The following BICRAL variants were observed in gnomAD, a reference collection of about 807,000 sequenced individuals.
BICRAL encodes the protein BICRA like chromatin remodeling complex associated protein.
Under a neutral mutation model 91.8 loss-of-function variants are expected in BICRAL, and 8 were observed. That is an observed-to-expected ratio of 0.09 (90% CI 0.05 to 0.16). BICRAL has a LOEUF of 0.16. Among genes scored for constraint, BICRAL ranks in the 10% least tolerant of loss-of-function variants. BICRAL has a pLI of 1.00. For missense variants in BICRAL, 1,038 were observed against 1,310.9 expected, an observed-to-expected ratio of 0.79 and a Z score of 3.21; for synonymous variants, 445 against 491.1, an observed-to-expected ratio of 0.91 and a Z score of 1.24.
intron 6 of BICRAL, among the ~76,000 whole-genome samples, chr6:42,835,896 C>T (rs1764623843): frequency 6.6e-6 from 1 of 152,178 alleles, no homozygotes; most frequent in South Asian, 2.1e-4. Context: ...CACCACTGCG[C>T]TATAGCCTGG....
intron 2 of BICRAL, chr6:42,820,956 G>A (rs1439682036): frequency 6.6e-6 from 1 of 152,258 alleles, no homozygotes; most frequent in East Asian, 1.9e-4. Context: ...GACTGTTAGA[G>A]TGGGAAGTCT....
chr6:42,790,989 A>T (rs909625886), intron 1 of BICRAL, among the ~76,000 whole-genome samples: 13 of 152,002 alleles, frequency 8.6e-5, no homozygotes, highest in African/African-American at 3.1e-4. Context: ...AATCACTAAC[A>T]TGGTGCCTGG....
rs776881150 is a variant in BICRAL at position 42,865,471 on chromosome 6, GC to G, written c.*29del. On this transcript the variant is annotated 3_prime_UTR_variant, in exon 13 of 13. Coordinates refer to ENST00000314073, the MANE Select transcript of BICRAL (RefSeq NM_001393499.1). ...ATAGCAGCAGTCCTCCCCCTACCCCGCCCCGAGACCCCACCCCGAGACCCCA... is the reference window on the plus strand; with the variant it reads ...ATAGCAGCAGTCCTCCCCCTACCCCGCCCGAGACCCCACCCCGAGACCCCA... 7 of 1,163,216 alleles carry G rather than the reference GC, an allele frequency of 6.0e-6. No homozygotes were observed. The African/African-American group carries it at 1.5e-4, about 26-fold the overall frequency. The allele number at this position is 1,163,216 out of a possible 1,614,324, so 72.1% of individuals were successfully genotyped here. A position where few individuals can be genotyped will look rare whatever the true frequency, so the allele number is the denominator to read the frequency against.
rs560023313 is a variant in BICRAL at position 42,828,273 on chromosome 6, C to T, written c.160-220C>T. On this transcript the variant is annotated intron_variant, in intron 5 of 12. Transcript: ENST00000314073. The stretch of plus-strand genomic sequence containing the variant: ...AAAATTAGCTGGGCGCGGTGGCAGG[C>T]GCCTGTAGTCCCAGCTACTGGGGAG... Among the ~76,000 whole-genome samples, 374 of 151,920 alleles carry T rather than the reference C, an allele frequency of 2.5e-3. 1 individual carries two copies. The highest frequency in any genetic ancestry group is 7.6e-3 in the African/African-American group (317 of 41,450).
intron 11 of BICRAL, 125 bp downstream of exon 11, chr6:42,860,481 A>G: frequency 1.7e-6 from 1 of 595,904 alleles, no homozygotes; most frequent in Non-Finnish European, 3.0e-6. Flanking sequence ...CACACTGTAG[A>G]AAAACTTACG....
intron 1 of BICRAL, among the ~76,000 whole-genome samples, chr6:42,787,922 GTCAC>G (rs961773314): frequency 4.7e-5 from 7 of 149,480 alleles, no homozygotes; most frequent in Non-Finnish European, 7.4e-5. Context: ...AAGACAAGAT[GTCAC>G]TCAGTCATCC....
chr6:42,814,519 A>ATTT (rs70990145), intron 2 of BICRAL, among the ~76,000 whole-genome samples: 4 of 80,214 alleles, frequency 5.0e-5, no homozygotes, highest in African/African-American at 2.6e-4. Context: ...ATATATATAT[A>ATTT]TTTTTTTTTT....
intron 1 of BICRAL, among the ~76,000 whole-genome samples, chr6:42,749,607 A>G (rs1762343164): frequency 6.6e-6 from 1 of 152,212 alleles, no homozygotes; most frequent in Non-Finnish European, 1.5e-5. Context: ...TAATTTGACC[A>G]CTACATATTA....
chr6:42,827,528 T>C (rs1764338896), intron 5 of BICRAL, among the ~76,000 whole-genome samples: 1 of 152,256 alleles, frequency 6.6e-6, no homozygotes, highest in South Asian at 2.1e-4. Context: ...AATTGCTTCA[T>C]TCAATATGTA....
chr6:42,830,011 G>T lies in BICRAL; in HGVS notation c.1678G>T (p.Gly560Cys). Residue 560 changes from glycine (G) to cysteine (C), a missense_variant, in exon 6 of 13, where the codon GGT becomes TGT. Gly to Cys is a radical substitution (Grantham distance 159). Transcript: ENST00000314073. ...HPSLGSAVQS[G>C]SSGSNFTGDQ... ...TAGTCTTGGGTCTGCAGTTCAGTCT[G>T]GTTCATCAGGATCAAACTTTACAGG... 6.2e-7 allele frequency: 1 copy of T among 1,614,138 alleles called. No individual in the cohort carries two copies. Among genetic ancestry groups the T allele is most frequent in the Non-Finnish European group, 8.5e-7 (1 of 1,180,022 alleles).
intron 1 of BICRAL, among the ~76,000 whole-genome samples, chr6:42,752,912 C>CTTTTTT (rs57864510): frequency 1.6e-4 from 13 of 82,204 alleles, no homozygotes; most frequent in African/African-American, 2.5e-4. Context: ...CCCCAGCTGA[C>CTTTTTT]TTTTTTTTTT....
rs180968903 is a variant in BICRAL, at chr6:42,840,273, C to T, written c.1839+10101C>T. ...TTTGTTTGTTTTTGAGACAGAGTCT[C>T]GCTCTATCACCCAGGCTGGAGTGCA... On this transcript the variant is annotated intron_variant, in intron 6 of 12. Transcript: ENST00000314073. Among the ~76,000 whole-genome samples, 5 of 152,114 alleles carry T rather than the reference C, an allele frequency of 3.3e-5. No individual in the cohort carries two copies. In the East Asian group the frequency reaches 5.8e-4, roughly 18 times the overall value.
At chr6:42,783,095 G>C (rs1173666523) in intron 1 of BICRAL, among the ~76,000 whole-genome samples, 1 of 151,410 alleles carries the variant, frequency 6.6e-6, no homozygotes, top group Non-Finnish European at 1.5e-5. Context: ...TCCGGGGTGC[G>C]GCGGGGAGAG....
intron 1 of BICRAL, among the ~76,000 whole-genome samples, chr6:42,795,151 G>A (rs1430447111): frequency 1.3e-5 from 2 of 152,264 alleles, no homozygotes; most frequent in African/African-American, 2.4e-5. Context: ...GTGACAAAAA[G>A]TCGGGTGCGG....
At chr6:42,833,056 GTCTT>G (rs1764538657) in intron 6 of BICRAL, among the ~76,000 whole-genome samples, 1 of 149,954 alleles carries the variant, frequency 6.7e-6, no homozygotes, top group South Asian at 2.1e-4. Flanking sequence ...AGGGTAGACT[GTCTT>G]TTTTTTTTTT....
Position 42,805,072 on chromosome 6 carries a change from G to C in BICRAL, c.-101-5234G>C, listed in dbSNP as rs184860109. On this transcript the variant is annotated intron_variant, in intron 1 of 12. Coordinates refer to ENST00000314073, the MANE Select transcript of BICRAL (RefSeq NM_001393499.1). The stretch of plus-strand genomic sequence containing the variant: ...AATCGCACAGAGCAGTGTCTGATCA[G>C]TGTCCAAAGATGTAGTTGCTGCTTT... 1.5e-3 allele frequency among the ~76,000 whole-genome samples: 231 copies of C among 152,336 alleles called. 1 individual carries two copies. The highest frequency in any genetic ancestry group is 1.4e-3 in the Non-Finnish European group (95 of 68,034).
At position 42,868,371 on chromosome 6, in the gene BICRAL, A is replaced by C. The variant is rs1187514656; in HGVS notation, c.*2925A>C. The C allele has an allele frequency of 6.6e-6, 1 of 152,238 alleles. No homozygotes were observed. The allele number at this position is 152,238 out of a possible 1,614,324, so 9.4% of individuals were successfully genotyped here. A position where few individuals can be genotyped will look rare whatever the true frequency, so the allele number is the denominator to read the frequency against. On this transcript the variant is annotated 3_prime_UTR_variant, in exon 13 of 13. Coordinates refer to ENST00000314073, the MANE Select transcript of BICRAL (RefSeq NM_001393499.1). ...ATTGCTTTGTATACATTTTGTAAAAATATTTATAAAATGTTTTGTAAAAAA... is the reference window on the plus strand; with the variant it reads ...ATTGCTTTGTATACATTTTGTAAAACTATTTATAAAATGTTTTGTAAAAAA...
intron 1 of BICRAL, among the ~76,000 whole-genome samples, chr6:42,801,887 A>G (rs1201239531): frequency 6.6e-6 from 1 of 151,472 alleles, no homozygotes; most frequent in African/African-American, 2.4e-5. Context: ...CATCTCAAAA[A>G]AAATAAATAA....
In BICRAL at chr6:42,828,541, G is replaced by A. The variant is rs1305876305; in HGVS notation, c.208G>A (p.Glu70Lys). The A allele has an allele frequency of 3.1e-6, 5 of 1,613,840 alleles. No homozygotes were observed. The South Asian group carries it at 4.4e-5, about 14-fold the overall frequency. Residue 70 changes from glutamate to lysine, a missense_variant, in exon 6 of 13, where the codon GAA (glutamate) becomes AAA (lysine). By Grantham distance (56) the Glu-to-Lys change is moderately conservative. This residue lies in a region of BICRAL where 115 missense variants were observed against 121.5 expected (regional missense o/e 0.95). Transcript: ENST00000314073. ...CAAAGGTGTAAGCAACCAGCTTGGAGAAGGGCCCAGTGATGGACTGCCACT... is the reference window on the plus strand; with the variant it reads ...CAAAGGTGTAAGCAACCAGCTTGGAAAAGGGCCCAGTGATGGACTGCCACT... ...SLKGVSNQLG[E>K]GPSDGLPLSS...
Sources: allele counts gnomAD v4.1 joint callset (sites outside exome capture counted in the v4.1 genomes callset), GRCh38; gene constraint gnomAD v4.1.1; regional missense constraint gnomAD v4.1.1; transcripts MANE v1.5; gene names NCBI Gene and HGNC (gene_info 2026-07-23, HGNC 2026-07-21).